Variants in INSR observed in about 807,000 individuals in gnomAD.
The protein encoded by INSR is IR.
INSR carries 67 observed loss-of-function variants against 142.6 expected under a neutral mutation model. That is an observed-to-expected ratio of 0.47 (90% CI 0.39 to 0.58). The LOEUF (loss-of-function observed/expected upper bound fraction) is 0.58. Among genes scored for constraint, INSR ranks in the 20% least tolerant of loss-of-function variants. The pLI is 0.00. For synonymous variants in INSR, 756 were observed against 743.1 expected, an observed-to-expected ratio of 1.02 and a Z score of -0.28; for missense variants, 1,248 against 1,833.2, an observed-to-expected ratio of 0.68 and a Z score of 5.83.
At chr19:7,285,446 T>C (rs1180561781) in intron 1 of INSR, among the ~76,000 whole-genome samples, 1 of 151,744 alleles carries the variant, frequency 6.6e-6, no homozygotes, top group African/African-American at 2.4e-5. Flanking sequence ...TTAGTGAGAC[T>C]CCGTCTCAAA....
chr19:7,150,519 CTGA>C lies in INSR; in HGVS notation c.2242_2244del (p.Ser748del). 6.2e-7 allele frequency: 1 copy of C among 1,614,178 alleles called. No individual in the cohort carries two copies. Among genetic ancestry groups the C allele is most frequent in the Non-Finnish European group, 8.5e-7 (1 of 1,180,044 alleles). ...TACCTAGGGTCCTCGGCACCAGTGC[CTGA>C]AGAGGTTTTTCTGTGGAAACAAAAC... On this transcript the variant is annotated inframe_deletion, in exon 11 of 22. Coordinates refer to ENST00000302850, the MANE Select transcript of INSR (RefSeq NM_000208.4). The surrounding 1 kb of genome is among the most constrained non-coding windows in gnomAD (Gnocchi z 4.2).
chr19:7,142,189 G>C (rs915994626), intron 12 of INSR, among the ~76,000 whole-genome samples: 1 of 151,722 alleles, frequency 6.6e-6, no homozygotes, highest in African/African-American at 2.4e-5. Flanking sequence ...GACCACTTGA[G>C]CTCAGGCATT....
In INSR at chr19:7,184,484, G is replaced by T; in HGVS notation, c.806C>A (p.Pro269Gln). The part of the protein sequence containing the change: ...YLDGRCVETC[P>Q]PPYYHFQDWR... ...GTCCTGGAAGTGGTAGTACGGGGGC[G>T]GGCAGGTCTCCACACACCTGCCGTC... The change falls in exon 3 of 22, where the codon CCG becomes CAG. Residue 269 changes from proline (P) to glutamine (Q), a missense_variant. Coordinates refer to ENST00000302850, the MANE Select transcript of INSR (RefSeq NM_000208.4). The T allele has an allele frequency of 6.2e-7, 1 of 1,613,952 alleles. No individual in the cohort carries two copies.
chr19:7,153,265 GCACACCTCACACAC>G (rs1973470361), intron 9 of INSR, among the ~76,000 whole-genome samples: 1 of 97,150 alleles, frequency 1.0e-5, no homozygotes, highest in African/African-American at 4.1e-5. Context: ...CACACTACAT[GCACACCTCACACAC>G]CACACCACAC....
rs141692149 is a variant in INSR at position 7,122,484 on chromosome 19, CA to C, written c.3529+129del. 80,855 of 826,706 alleles carry C rather than the reference CA, an allele frequency of 0.098. 3,183 individuals are homozygous for C. The highest frequency in any genetic ancestry group is 0.11 in the Non-Finnish European group (60,968 of 550,396). The allele number at this position is 826,706 out of a possible 1,614,324, so 51.2% of individuals were successfully genotyped here. A position where few individuals can be genotyped will look rare whatever the true frequency, so the allele number is the denominator to read the frequency against. Reference sequence around the variant, plus strand: ...ACAAAACAAAACAAAAAAAACCCCACAAAAAAAAAAGAAGTATCTTGCCCCT... The same window carrying C: ...ACAAAACAAAACAAAAAAAACCCCACAAAAAAAAAGAAGTATCTTGCCCCT... On this transcript the variant is annotated intron_variant, in intron 19 of 21. Transcript: ENST00000302850.
At chr19:7,158,333 T>C (rs1159326107) in intron 9 of INSR, among the ~76,000 whole-genome samples, 1 of 151,760 alleles carries the variant, frequency 6.6e-6, no homozygotes, top group Non-Finnish European at 1.5e-5. Context: ...ACCCCGTCTC[T>C]ACTAAAAAAT....
chr19:7,288,074 T>C (rs916106822), intron 1 of INSR, among the ~76,000 whole-genome samples: 1 of 152,070 alleles, frequency 6.6e-6, no homozygotes, highest in African/African-American at 2.4e-5. Flanking sequence ...GTAAATTTCT[T>C]AGCTGGGCGC....
chr19:7,224,555 A>G (rs1400419468), intron 2 of INSR, among the ~76,000 whole-genome samples: 5 of 152,060 alleles, frequency 3.3e-5, no homozygotes, highest in Non-Finnish European at 5.9e-5. Flanking sequence ...CGACGGCCCC[A>G]CTCCAGGTGA....
At chr19:7,283,120 G>A (rs1034818432) in intron 1 of INSR, among the ~76,000 whole-genome samples, 5 of 151,528 alleles carry the variant, frequency 3.3e-5, no homozygotes, top group African/African-American at 1.2e-4. Context: ...TTGAGCCCAG[G>A]AGGTCGAGGC....
At chr19:7,135,090 TAAAAAAAAA>T (rs5826960) in intron 13 of INSR, among the ~76,000 whole-genome samples, 2 of 78,456 alleles carry the variant, frequency 2.5e-5, no homozygotes, top group Non-Finnish European at 4.3e-5. Context: ...AAAGAAATGT[TAAAAAAAAA>T]AAAAAAAAAA....
At chr19:7,128,025 A>C (rs915404292) in intron 15 of INSR, among the ~76,000 whole-genome samples, 2 of 151,942 alleles carry the variant, frequency 1.3e-5, no homozygotes, top group Non-Finnish European at 1.5e-5. Flanking sequence ...TACAGGTGTG[A>C]GCCACCGTGC....
intron 9 of INSR, among the ~76,000 whole-genome samples, chr19:7,158,363 T>G (rs947111707): frequency 6.6e-6 from 1 of 151,692 alleles, no homozygotes; most frequent in Admixed American, 6.6e-5. Flanking sequence ...TAGCCGGGCG[T>G]GGTGGCGGGC....
At chr19:7,173,605 C>T (rs1028159317) in intron 4 of INSR, among the ~76,000 whole-genome samples, 26 of 137,198 alleles carry the variant, frequency 1.9e-4, no homozygotes, top group African/African-American at 6.6e-4. Flanking sequence ...TGAGCCACAG[C>T]GCCTGGCTTT....
rs910239160 is a variant in INSR, at chr19:7,163,108, G to A, written c.1953C>T (p.Asn651=). ...KWKPPSDPNG[N]ITHYLVFWER... is the part of the protein sequence containing the mutation. ...CCCAGAAAACCAGGTAGTGGGTGAT[G>A]TTGCCATTGGGGTCGGAGGGTGGTT... The change falls in exon 9 of 22, where the codon AAC becomes AAT. Residue 651 remains asparagine, a synonymous_variant. Transcript: ENST00000302850. The A allele has an allele frequency of 6.2e-7, 1 of 1,614,088 alleles. No individual in the cohort carries two copies. Among genetic ancestry groups the A allele is most frequent in the Non-Finnish European group, 8.5e-7 (1 of 1,180,016 alleles).
At chr19:7,176,978 G>C (rs557052600) in intron 3 of INSR, among the ~76,000 whole-genome samples, 1 of 152,178 alleles carries the variant, frequency 6.6e-6, no homozygotes, top group Non-Finnish European at 1.5e-5. Flanking sequence ...GGGATGTGAT[G>C]CAACTACGGC....
chr19:7,256,981 C>T lies in INSR; in HGVS notation c.652+10364G>A, dbSNP rs1976915808. Among the ~76,000 whole-genome samples the T allele has an allele frequency of 2.2e-5, 3 of 138,492 alleles. No individual in the cohort carries two copies. The Admixed American group carries it at 2.4e-4, about 11-fold the overall frequency. 90.9% of individuals were successfully genotyped at this position (138,492 alleles called of 152,430 possible). On this transcript the variant is annotated intron_variant, in intron 2 of 21. Coordinates refer to ENST00000302850, the MANE Select transcript of INSR (RefSeq NM_000208.4). The stretch of plus-strand genomic sequence containing the variant: ...TTTTTGAGATGGAGTCTCGCTGTGA[C>T]ACCCAGGCTGGAGTGCAGTGGCACA...
intron 9 of INSR, among the ~76,000 whole-genome samples, chr19:7,154,339 G>A (rs1304082538): frequency 1.0e-5 from 1 of 100,434 alleles, no homozygotes; most frequent in Non-Finnish European, 1.9e-5. Context: ...GTCTCGTTCT[G>A]TTACCCAGGC....
chr19:7,226,857 T>C (rs945424801), intron 2 of INSR, among the ~76,000 whole-genome samples: 2 of 152,096 alleles, frequency 1.3e-5, no homozygotes, highest in Non-Finnish European at 2.9e-5. Flanking sequence ...TTCTTTAAGC[T>C]GATGTAAAAA....
At chr19:7,252,026 C>T (rs1468294394) in intron 2 of INSR, among the ~76,000 whole-genome samples, 1 of 152,116 alleles carries the variant, frequency 6.6e-6, no homozygotes, top group East Asian at 1.9e-4. Flanking sequence ...GTAATTGTAG[C>T]ACTTTGGGTG....
Sources: gnomAD v4.1 joint callset for allele counts (sites outside exome capture counted in the v4.1 genomes callset) on GRCh38, gnomAD v4.1.1 for gene constraint, Gnocchi (gnomAD v3.1) non-coding constraint, MANE v1.5 for transcripts, NCBI Gene and HGNC (gene_info 2026-07-23, HGNC 2026-07-21) for gene names.